Variants in RPS6KC1 observed in about 807,000 individuals in gnomAD.
The protein encoded by RPS6KC1 is inactive ribosomal protein S6 kinase delta-1.
Under a neutral mutation model 103.8 loss-of-function variants are expected in RPS6KC1, and 54 were observed. That is an observed-to-expected ratio of 0.52 (90% CI 0.42 to 0.65). RPS6KC1 has a LOEUF of 0.65. Among genes scored for constraint, RPS6KC1 ranks in the 30% least tolerant of loss-of-function variants. RPS6KC1 has a pLI of 0.00. For missense variants in RPS6KC1, 1,151 were observed against 1,253.8 expected (o/e 0.92, Z 1.24); for synonymous variants, 439 against 438.7 (o/e 1.00, Z -0.01).
the RPS6KC1 span, among the ~76,000 whole-genome samples, chr1:213,772,300 G>T: frequency 6.6e-6 from 1 of 152,126 alleles, no homozygotes; most frequent in Non-Finnish European, 1.5e-5. Flanking sequence ...CCATCTCGGC[G>T]CTGTGTTGTG....
At chr1:213,504,029 A>G in the RPS6KC1 span, among the ~76,000 whole-genome samples, 9 of 152,322 alleles carry the variant, frequency 5.9e-5, no homozygotes, top group African/African-American at 1.4e-4. Flanking sequence ...ATCATGATTT[A>G]TGTAGACTCT....
At chr1:213,532,917 G>A in the RPS6KC1 span, among the ~76,000 whole-genome samples, 1 of 152,244 alleles carries the variant, frequency 6.6e-6, no homozygotes, top group African/African-American at 2.4e-5. Context: ...AGAGGGGAAA[G>A]TGTGTCCCAG....
chr1:213,138,103 A>G (rs998018843), intron 6 of RPS6KC1, among the ~76,000 whole-genome samples: 5 of 152,054 alleles, frequency 3.3e-5, no homozygotes, highest in African/African-American at 1.2e-4. Flanking sequence ...TCTAGGCCCA[A>G]GAGTTCACAC....
intron 8 of RPS6KC1, among the ~76,000 whole-genome samples, chr1:213,217,635 C>A (rs1390280867): frequency 2.0e-5 from 3 of 152,188 alleles, no homozygotes; most frequent in African/African-American, 7.2e-5. Context: ...AAAATACTGG[C>A]AAACTGAATC....
the RPS6KC1 span, among the ~76,000 whole-genome samples, chr1:213,592,634 G>A: frequency 6.6e-6 from 1 of 152,162 alleles, no homozygotes; most frequent in Non-Finnish European, 1.5e-5. Flanking sequence ...TAGCTATTTT[G>A]TGAATTGTGA....
the RPS6KC1 span, among the ~76,000 whole-genome samples, chr1:213,744,375 CAAACA>C: frequency 6.6e-6 from 1 of 152,134 alleles, no homozygotes; most frequent in African/African-American, 2.4e-5. Flanking sequence ...CTTAGGGAAA[CAAACA>C]AAACAAAACA....
At chr1:213,609,753 T>C in the RPS6KC1 span, among the ~76,000 whole-genome samples, 1 of 145,362 alleles carries the variant, frequency 6.9e-6, no homozygotes, top group African/African-American at 2.5e-5. Context: ...GGTGCAAAAG[T>C]AATGGCGGGT....
chr1:213,604,918 T>C, the RPS6KC1 span, among the ~76,000 whole-genome samples: 16 of 152,292 alleles, frequency 1.1e-4, no homozygotes, highest in East Asian at 1.2e-3. Context: ...GTGGCTTGCA[T>C]TGGGGAACTA....
chr1:213,736,458 A>G, the RPS6KC1 span, among the ~76,000 whole-genome samples: 1 of 152,220 alleles, frequency 6.6e-6, no homozygotes, highest in Non-Finnish European at 1.5e-5. Flanking sequence ...CTTTTCCAAC[A>G]TGATTGCTTA....
the RPS6KC1 span, among the ~76,000 whole-genome samples, chr1:213,852,013 T>A: frequency 6.6e-6 from 1 of 152,172 alleles, no homozygotes; most frequent in Non-Finnish European, 1.5e-5. Context: ...TGCACCAAGC[T>A]TTTTCTGACC....
At chr1:213,208,591 C>A (rs2093419939) in intron 8 of RPS6KC1, among the ~76,000 whole-genome samples, 1 of 151,998 alleles carries the variant, frequency 6.6e-6, no homozygotes, top group African/African-American at 2.4e-5. Flanking sequence ...ATCTCTTGGG[C>A]CAATTGGTTT....
chr1:213,701,370 T>G, the RPS6KC1 span, among the ~76,000 whole-genome samples: 2 of 152,104 alleles, frequency 1.3e-5, no homozygotes, highest in South Asian at 4.1e-4. Flanking sequence ...GATTTGCATA[T>G]GATGAACCAT....
the RPS6KC1 span, among the ~76,000 whole-genome samples, chr1:213,724,602 A>G: frequency 1.3e-5 from 2 of 152,148 alleles, no homozygotes; most frequent in African/African-American, 4.8e-5. Flanking sequence ...CTCATGAACA[A>G]AAGCCTGACA....
At chr1:213,520,020 C>T in the RPS6KC1 span, among the ~76,000 whole-genome samples, 1 of 152,154 alleles carries the variant, frequency 6.6e-6, no homozygotes, top group Non-Finnish European at 1.5e-5. Context: ...AAAGGATTAA[C>T]ATCTTTATCT....
intron 3 of RPS6KC1, among the ~76,000 whole-genome samples, chr1:213,098,903 T>C (rs2081745717): frequency 6.6e-6 from 1 of 152,234 alleles, no homozygotes; most frequent in Non-Finnish European, 1.5e-5. Flanking sequence ...AGATGAGGTA[T>C]ATAATATTGC....
chr1:213,487,495 A>AT, the RPS6KC1 span, among the ~76,000 whole-genome samples: 2,389 of 149,242 alleles, frequency 0.016, 76 homozygotes, highest in African/African-American at 0.055. Context: ...AGCCTGAGTG[A>AT]TTTTTTTTTT....
At chr1:213,716,561 A>G in the RPS6KC1 span, among the ~76,000 whole-genome samples, 17 of 152,128 alleles carry the variant, frequency 1.1e-4, no homozygotes, top group African/African-American at 3.6e-4. Context: ...TTTCAGGGGG[A>G]AAAAATCTTG....
At chr1:213,125,398 A>G (rs1176781285) in intron 5 of RPS6KC1, among the ~76,000 whole-genome samples, 1 of 151,988 alleles carries the variant, frequency 6.6e-6, no homozygotes, top group Non-Finnish European at 1.5e-5. Flanking sequence ...TTATTGCCAC[A>G]TTTTTACTAA....
chr1:213,325,264 G>A, the RPS6KC1 span, among the ~76,000 whole-genome samples: 3 of 152,286 alleles, frequency 2.0e-5, no homozygotes, highest in Admixed American at 6.5e-5. Flanking sequence ...CCGGCATCCG[G>A]CCCTTCCTCT....
Sources: gnomAD v4.1 joint callset for allele counts (sites outside exome capture counted in the v4.1 genomes callset) on GRCh38, gnomAD v4.1.1 for gene constraint, MANE v1.5 for transcripts, NCBI Gene and HGNC (gene_info 2026-07-23, HGNC 2026-07-21) for gene names.